Variants in SNED1 observed in about 807,000 individuals in gnomAD.
SNED1 encodes the protein sushi, nidogen and EGF-like domain-containing protein 1.
A neutral mutation model predicts 166.7 loss-of-function variants in SNED1; 81 were observed. The ratio of observed to expected loss-of-function variants is 0.49; its 90% CI spans 0.41 to 0.58. The LOEUF (loss-of-function observed/expected upper bound fraction) is 0.58. SNED1 is among the 20% of genes least tolerant of loss of function. The pLI is 0.00. For synonymous variants in SNED1, 762 were observed against 822.0 expected (o/e 0.93, Z 1.25); for missense variants, 1,604 against 2,000.2 (o/e 0.80, Z 3.78).
Position 241,087,419 on chromosome 2 carries a change from A to G in SNED1, c.4149A>G (p.Gln1383=). 1.2e-6 allele frequency: 2 copies of G among 1,604,024 alleles called. No individual in the cohort carries two copies. Among genetic ancestry groups the G allele is most frequent in the Middle Eastern group, 3.3e-4 (2 of 6,054 alleles). ...HVYKRVYRVH[Q]DICFKESCES... Reference sequence around the variant, plus strand: ...ATAAAAGAGTCTACCGAGTTCACCAAGACATCTGCTTCAAAGAGAGCTGTG... The same window carrying G: ...ATAAAAGAGTCTACCGAGTTCACCAGGACATCTGCTTCAAAGAGAGCTGTG... The change falls in exon 30 of 32, where the codon CAA becomes CAG. Residue 1383 remains glutamine (Q), a synonymous_variant. Transcript: ENST00000310397.
In SNED1 at chr2:241,095,066, C is replaced by CAA. The variant is rs2064320344; in HGVS notation, c.*3430_*3431insAA. ...GAGTTCCCTAAGGTGACACGCCCCC[C>CAA]CCCCCCCCCACACCCACCTTGGGGG... On this transcript the variant is annotated 3_prime_UTR_variant, in exon 32 of 32. Coordinates refer to ENST00000310397, the MANE Select transcript of SNED1 (RefSeq NM_001080437.3). The CAA allele has an allele frequency of 2.9e-5, 4 of 138,324 alleles. No homozygotes were observed. Among genetic ancestry groups the CAA allele is most frequent in the Non-Finnish European group, 4.9e-5 (3 of 61,852 alleles). The allele number at this position is 138,324 out of a possible 1,614,324, so 8.6% of individuals were successfully genotyped here.
chr2:241,032,372 C>G (rs2058060), intron 2 of SNED1, among the ~76,000 whole-genome samples: 1 of 151,578 alleles, frequency 6.6e-6, no homozygotes, highest in Non-Finnish European at 1.5e-5. Context: ...AAAATCTACA[C>G]GTTCATACTC....
At chr2:241,080,263 A>G (rs1354807691) in intron 27 of SNED1, among the ~76,000 whole-genome samples, 1 of 152,232 alleles carries the variant, frequency 6.6e-6, no homozygotes, top group African/African-American at 2.4e-5. Context: ...CAGCCTGGGC[A>G]ACAGAGCAAG....
intron 1 of SNED1, among the ~76,000 whole-genome samples, chr2:241,005,993 T>G (rs1489842377): frequency 3.9e-5 from 6 of 152,164 alleles, no homozygotes; most frequent in African/African-American, 1.2e-4. Flanking sequence ...GTCCTTTCTC[T>G]CCTCTCTTTT....
rs2063743341 is a variant in SNED1 at position 241,089,096 on chromosome 2, TAA to T, written c.*1+696_*1+697del. ...CCTCCCCACACAAACTGCCGAATCT[TAA>T]ACAACACTGGCATTCTTCACAATCG... On this transcript the variant is annotated intron_variant, in intron 31 of 31. Transcript: ENST00000310397. 2.4e-5 allele frequency: 12 copies of T among 495,410 alleles called. No individual in the cohort carries two copies. In the South Asian group the frequency reaches 4.2e-4, roughly 17 times the overall value. The allele number at this position is 495,410 out of a possible 1,614,324, so 30.7% of individuals were successfully genotyped here.
At chr2:241,053,447 C>T (rs1371413134) in intron 16 of SNED1, 121 bp downstream of exon 16, 1 of 954,316 alleles carries the variant, frequency 1.0e-6, no homozygotes, top group East Asian at 2.6e-5. Flanking sequence ...CCTGGTCCTG[C>T]CCCTGCTCCC....
intron 1 of SNED1, among the ~76,000 whole-genome samples, chr2:241,016,321 G>A (rs993697180): frequency 2.0e-5 from 3 of 149,546 alleles, no homozygotes; most frequent in Admixed American, 6.8e-5. Flanking sequence ...TTAGCCTCCC[G>A]AGTAGCTGGG....
rs376698613 is a variant in SNED1 at position 241,068,912 on chromosome 2, G to A, written c.3196G>A (p.Ala1066Thr). The A allele has an allele frequency of 3.2e-6, 5 of 1,548,792 alleles. No homozygotes were observed. Among genetic ancestry groups the A allele is most frequent in the Admixed American group, 3.9e-5 (2 of 50,882 alleles). The change falls in exon 23 of 32, where the codon GCC becomes ACC. Residue 1066 changes from alanine to threonine, a missense_variant and splice_region_variant. Ala to Thr is a moderately conservative substitution (Grantham distance 58). Coordinates refer to ENST00000310397, the MANE Select transcript of SNED1 (RefSeq NM_001080437.3). The surrounding 1 kb of genome is among the most constrained non-coding windows in gnomAD (Gnocchi z 5.3). ...CTCTTTGTCACCTCCTGCCCACAGG[G>A]CCCTGCTGCCTGGGAAGAGGTACAC... ...DRSVDRFTFRALLPGKRYTIQ... is the reference protein window; with the variant it reads ...DRSVDRFTFRTLLPGKRYTIQ...
Position 241,094,118 on chromosome 2 carries a change from A to G in SNED1, c.*2482A>G. On this transcript the variant is annotated 3_prime_UTR_variant, in exon 32 of 32. Transcript: ENST00000310397. The surrounding 1 kb of genome is among the most constrained non-coding windows in gnomAD (Gnocchi z 4.3). ...GGCACAGTGAAATGTCTCATTTCCA[A>G]ACAGTTTTGCCTATGGCCAAGCAAG... 1 of 354,528 alleles carries G rather than the reference A, an allele frequency of 2.8e-6. No homozygotes were observed. Among genetic ancestry groups the G allele is most frequent in the Non-Finnish European group, 5.7e-6 (1 of 174,206 alleles). 22.0% of individuals were successfully genotyped at this position (354,528 alleles called of 1,614,324 possible).
chr2:241,082,290 G>T lies in SNED1; in HGVS notation c.4047G>T (p.Val1349=). 1 of 1,613,066 alleles carries T rather than the reference G, an allele frequency of 6.2e-7. No homozygotes were observed. The highest frequency in any genetic ancestry group is 8.5e-7 in the Non-Finnish European group (1 of 1,179,162). The change falls in exon 29 of 32, where the codon GTG becomes GTT. Residue 1349 remains valine, a synonymous_variant. Coordinates refer to ENST00000310397, the MANE Select transcript of SNED1 (RefSeq NM_001080437.3). ...TCTTTGTCGCAGCCTGTATAAAGGT[G>T]TCCCGCCCCTGCACAAGGCTGTTCT... ...GRRCELACIK[V]SRPCTRLFSE...
In SNED1 at chr2:241,048,312, C is replaced by A; in HGVS notation, c.1274-3C>A. 6.3e-7 allele frequency: 1 copy of A among 1,595,090 alleles called. No homozygotes were observed. The highest frequency in any genetic ancestry group is 1.8e-5 in the Admixed American group (1 of 56,150). On this transcript the variant is annotated splice_region_variant and splice_polypyrimidine_tract_variant and intron_variant, in intron 8 of 31. Transcript: ENST00000310397. ...CCGCTGGTGACTGCCGTCTTTCTTG[C>A]AGGAGACCATCCAGTGCCAGACGCC...
In SNED1 at chr2:241,064,271, T is replaced by C. The variant is rs2062350889; in HGVS notation, c.2599+146T>C. ...CTGCCCGCCGCCTTGGAAGTCCCCT[T>C]CTCAGGCCAGTGGCCCTCCGCCTGT... On this transcript the variant is annotated intron_variant, in intron 19 of 31. Coordinates refer to ENST00000310397, the MANE Select transcript of SNED1 (RefSeq NM_001080437.3). This position sits in a 1 kb window ranked among gnomAD's most constrained non-coding sequence, Gnocchi z 7.0. 2 of 609,928 alleles carry C rather than the reference T, an allele frequency of 3.3e-6. No homozygotes were observed. Among genetic ancestry groups the C allele is most frequent in the Admixed American group, 3.2e-5 (1 of 31,118 alleles). The allele number at this position is 609,928 out of a possible 1,614,324, so 37.8% of individuals were successfully genotyped here.
rs573686563 is a variant in SNED1 at position 241,048,830 on chromosome 2, G to A, written c.1504+64G>A. 101 of 1,406,742 alleles carry A rather than the reference G, an allele frequency of 7.2e-5. No individual in the cohort carries two copies. The East Asian group carries it at 2.4e-3, about 33-fold the overall frequency. The allele number at this position is 1,406,742 out of a possible 1,614,324, so 87.1% of individuals were successfully genotyped here. ...CATCCTCATAATCGGGAAATGAATG[G>A]TGGCTTCGGCCGGGGTCCGTAGGTC... On this transcript the variant is annotated intron_variant, in intron 10 of 31. Coordinates refer to ENST00000310397, the MANE Select transcript of SNED1 (RefSeq NM_001080437.3).
At chr2:241,027,827 G>A (rs577001090) in intron 1 of SNED1, among the ~76,000 whole-genome samples, 2 of 151,094 alleles carry the variant, frequency 1.3e-5, no homozygotes, top group South Asian at 2.1e-4. Flanking sequence ...TCCGCCTCCC[G>A]GGTTCACGCC....
chr2:241,027,080 CCTA>C (rs562048293), intron 1 of SNED1, among the ~76,000 whole-genome samples: 154 of 141,160 alleles, frequency 1.1e-3, no homozygotes, highest in African/African-American at 3.9e-3. Flanking sequence ...GACAGATTTC[CCTA>C]CTTTTTTTTT....
At position 241,068,003 on chromosome 2, in the gene SNED1, G is replaced by C. The variant is rs1264821107; in HGVS notation, c.3194+56G>C. ...GGGTGAAGGCAGGGGTGGGGGCTCG[G>C]GGACACGGGGCCCAGGTCTCGGGCA... On this transcript the variant is annotated intron_variant, in intron 22 of 31. Coordinates refer to ENST00000310397, the MANE Select transcript of SNED1 (RefSeq NM_001080437.3). This position sits in a 1 kb window ranked among gnomAD's most constrained non-coding sequence, Gnocchi z 5.3. 2.7e-5 allele frequency: 40 copies of C among 1,490,866 alleles called. No individual in the cohort carries two copies. The highest frequency in any genetic ancestry group is 3.6e-5 in the Non-Finnish European group (39 of 1,086,840). The allele number at this position is 1,490,866 out of a possible 1,614,324, so 92.4% of individuals were successfully genotyped here.
chr2:241,071,957 A>C, intron 26 of SNED1, 79 bp downstream of exon 26: 1 of 1,188,134 alleles, frequency 8.4e-7, no homozygotes, highest in Non-Finnish European at 1.2e-6. Context: ...CCTGTCCCCT[A>C]CATGATGAGC....
At chr2:241,008,507 G>A (rs1435481189) in intron 1 of SNED1, among the ~76,000 whole-genome samples, 1 of 152,222 alleles carries the variant, frequency 6.6e-6, no homozygotes, top group Non-Finnish European at 1.5e-5. Flanking sequence ...GAAGCTCTGG[G>A]CAGATCCAAG....
chr2:241,034,806 G>C, intron 4 of SNED1, 76 bp downstream of exon 4: 1 of 1,428,544 alleles, frequency 7.0e-7, no homozygotes, highest in Non-Finnish European at 9.4e-7. Context: ...AGGTGGAGAC[G>C]AAGGGGGCTG....
Sources: gnomAD v4.1 joint callset for allele counts (sites outside exome capture counted in the v4.1 genomes callset) on GRCh38, gnomAD v4.1.1 for gene constraint, Gnocchi (gnomAD v3.1) non-coding constraint, MANE v1.5 for transcripts, NCBI Gene and HGNC (gene_info 2026-07-23, HGNC 2026-07-21) for gene names.